Variants in SPRY4 observed in about 807,000 individuals in gnomAD.
The protein encoded by SPRY4 is protein sprouty homolog 4.
Under a neutral mutation model 17.0 loss-of-function variants are expected in SPRY4, and 7 were observed. That is an observed-to-expected ratio of 0.41 (90% CI 0.23 to 0.77). SPRY4 has a LOEUF of 0.77. SPRY4 is among the 30% of genes least tolerant of loss of function. SPRY4 has a pLI of 0.32. For missense variants in SPRY4, 435 were observed against 419.9 expected (o/e 1.04, Z -0.31); for synonymous variants, 183 against 174.1 (o/e 1.05, Z -0.40).
chr5:142,314,637 G>C lies in SPRY4; in HGVS notation c.472C>G (p.Leu158Val). 1 of 1,614,262 alleles carries C rather than the reference G, an allele frequency of 6.2e-7. No individual in the cohort carries two copies. Among genetic ancestry groups the C allele is most frequent in the Non-Finnish European group, 8.5e-7 (1 of 1,180,044 alleles). The change falls in exon 2 of 2, where the codon CTG (leucine) becomes GTG (valine). Residue 158 changes from leucine to valine, a missense_variant. Physicochemically the swap from Leu to Val is conservative, Grantham distance 32 (BLOSUM62 1). Coordinates refer to ENST00000434127, the MANE Select transcript of SPRY4 (RefSeq NM_001127496.3). This position sits in a 1 kb window ranked among gnomAD's most constrained non-coding sequence, Gnocchi z 4.8. ...VPPELDKHFL[L>V]CEACGKCKCK... Reference sequence around the variant, plus strand: ...TTACACTTCCCACAGGCCTCGCACAGCAAGAAGTGCTTGTCCAGCTCGGGT... The same window carrying C: ...TTACACTTCCCACAGGCCTCGCACACCAAGAAGTGCTTGTCCAGCTCGGGT...
rs1472120211 is a variant in SPRY4 at position 142,310,658 on chromosome 5, T to C, written c.*3551A>G. 2.0e-5 allele frequency: 3 copies of C among 152,220 alleles called. No individual in the cohort carries two copies. The highest frequency in any genetic ancestry group is 2.1e-4 in the South Asian group (1 of 4,802). 9.4% of individuals were successfully genotyped at this position (152,220 alleles called of 1,614,324 possible). ...GGGCTACAGTGAGGGGGAAATGAAG[T>C]TGGGATGTGGCGGGGTGGGAGCCTC... On this transcript the variant is annotated 3_prime_UTR_variant, in exon 2 of 2. Coordinates refer to ENST00000434127, the MANE Select transcript of SPRY4 (RefSeq NM_001127496.3).
intron 1 of SPRY4, chr5:142,317,973 A>G: frequency 4.1e-6 from 4 of 985,300 alleles, no homozygotes; most frequent in Non-Finnish European, 4.8e-6. Context: ...TATCTTCCCT[A>G]TTATAACCCC....
intron 1 of SPRY4, among the ~76,000 whole-genome samples, chr5:142,319,559 G>A (rs1759273571): frequency 6.6e-6 from 1 of 152,146 alleles, no homozygotes; most frequent in Admixed American, 6.5e-5. Context: ...GGTCCCTAGG[G>A]TACCTTCATT....
intron 1 of SPRY4, among the ~76,000 whole-genome samples, chr5:142,318,345 G>T (rs1253173811): frequency 1.3e-5 from 2 of 151,916 alleles, no homozygotes; most frequent in Admixed American, 6.6e-5. Flanking sequence ...AATTAGCCAG[G>T]CATGGTGGCA....
intron 1 of SPRY4, chr5:142,316,938 A>G (rs1047956391): frequency 2.7e-5 from 26 of 956,960 alleles, no homozygotes; most frequent in Non-Finnish European, 3.2e-5. Flanking sequence ...GTATTTCTTT[A>G]CACGCCTTGT....
intron 1 of SPRY4, among the ~76,000 whole-genome samples, chr5:142,320,084 A>G (rs1596872541): frequency 6.6e-6 from 1 of 152,204 alleles, no homozygotes; most frequent in Admixed American, 6.5e-5. Flanking sequence ...GCTGCCAGAG[A>G]GCCTGCCCAC....
Position 142,312,352 on chromosome 5 carries a change from AG to A in SPRY4, c.*1856del, listed in dbSNP as rs1446699885. On this transcript the variant is annotated 3_prime_UTR_variant, in exon 2 of 2. Coordinates refer to ENST00000434127, the MANE Select transcript of SPRY4 (RefSeq NM_001127496.3). ...ATTTCACATTCGCCTTTTACAAGCT[AG>A]CAAATGTTACATAAATAAAGCCGAA... 1 of 152,658 alleles carries A rather than the reference AG, an allele frequency of 6.6e-6. No individual in the cohort carries two copies. Among genetic ancestry groups the A allele is most frequent in the Non-Finnish European group, 1.5e-5 (1 of 68,044 alleles). 9.5% of individuals were successfully genotyped at this position (152,658 alleles called of 1,614,324 possible).
intron 1 of SPRY4, chr5:142,319,683 T>G (rs1759277972): frequency 2.5e-6 from 4 of 1,587,942 alleles, no homozygotes; most frequent in Non-Finnish European, 3.4e-6. Context: ...AACACTGTAT[T>G]TGCTGCTTGG....
rs963372724 is a variant in SPRY4 at position 142,315,162 on chromosome 5, G to A, written c.-47-7C>T. 8 of 1,545,348 alleles carry A rather than the reference G, an allele frequency of 5.2e-6. No homozygotes were observed. The highest frequency in any genetic ancestry group is 7.0e-6 in the Non-Finnish European group (8 of 1,138,542). ...AAACAGGCTTCTAGGGGCCCTGGGG[G>A]TGGGGTGGGGAAAAGGAAGAGAGAA... On this transcript the variant is annotated splice_region_variant and splice_polypyrimidine_tract_variant and intron_variant, in intron 1 of 1. Transcript: ENST00000434127.
chr5:142,321,871 A>T (rs1053235329), intron 1 of SPRY4, among the ~76,000 whole-genome samples: 8 of 152,244 alleles, frequency 5.3e-5, no homozygotes, highest in Non-Finnish European at 1.0e-4. Flanking sequence ...TGGAGCTAGA[A>T]GATGTCAAAC....
At position 142,314,088 on chromosome 5, in the gene SPRY4, A is replaced by G. The variant is rs1234543078; in HGVS notation, c.*121T>C. On this transcript the variant is annotated 3_prime_UTR_variant, in exon 2 of 2. Coordinates refer to ENST00000434127, the MANE Select transcript of SPRY4 (RefSeq NM_001127496.3). The surrounding 1 kb of genome is among the most constrained non-coding windows in gnomAD (Gnocchi z 4.8). ...GTATTTTCCGAAGCTGGGGGTAGGG[A>G]GTGGGCAGACTAGCAAGGTCAGCCT... 2.0e-6 allele frequency: 2 copies of G among 1,019,788 alleles called. No homozygotes were observed. The highest frequency in any genetic ancestry group is 5.2e-5 in the East Asian group (2 of 38,166). The allele number at this position is 1,019,788 out of a possible 1,614,324, so 63.2% of individuals were successfully genotyped here.
At chr5:142,317,705 A>C in intron 1 of SPRY4, 1 of 985,270 alleles carries the variant, frequency 1.0e-6, no homozygotes, top group Non-Finnish European at 1.2e-6. Context: ...AATGCTCAGA[A>C]ATTTTAATAG....
rs1561649518 is a variant in SPRY4, at chr5:142,315,009, G to A, written c.100C>T (p.Pro34Ser). 1.2e-6 allele frequency: 2 copies of A among 1,613,924 alleles called. No homozygotes were observed. Among genetic ancestry groups the A allele is most frequent in the Non-Finnish European group, 1.7e-6 (2 of 1,180,028 alleles). ...TGGTCAATGGGTAGGATGGTGAGTGGGTGCTGGAGCCGGCTGTGGGACATC... is the reference window on the plus strand; with the variant it reads ...TGGTCAATGGGTAGGATGGTGAGTGAGTGCTGGAGCCGGCTGTGGGACATC... The part of the protein sequence containing the change: ...SRMSHSRLQH[P>S]LTILPIDQVK... The change falls in exon 2 of 2, where the codon CCA becomes TCA. Residue 34 changes from proline (P) to serine (S), a missense_variant. Pro to Ser is a moderately conservative substitution (Grantham distance 74, BLOSUM62 -1). Transcript: ENST00000434127.
intron 1 of SPRY4, chr5:142,317,763 C>T: frequency 1.0e-6 from 1 of 985,270 alleles, no homozygotes; most frequent in Non-Finnish European, 1.2e-6. Flanking sequence ...AAAGTCCCAC[C>T]AGGAAGCCAG....
At chr5:142,322,883 C>T (rs970121055) in intron 1 of SPRY4, among the ~76,000 whole-genome samples, 4 of 152,158 alleles carry the variant, frequency 2.6e-5, no homozygotes, top group East Asian at 1.9e-4. Context: ...CCTCGCAGCA[C>T]GTGAGAACCC....
chr5:142,320,111 T>C (rs1183118476), intron 1 of SPRY4, among the ~76,000 whole-genome samples: 2 of 152,222 alleles, frequency 1.3e-5, no homozygotes, highest in Non-Finnish European at 2.9e-5. Flanking sequence ...TGCTTGGTTC[T>C]TTGTGACACT....
chr5:142,316,673 T>G (rs1231841375), intron 1 of SPRY4, among the ~76,000 whole-genome samples: 1 of 152,206 alleles, frequency 6.6e-6, no homozygotes, highest in Non-Finnish European at 1.5e-5. Flanking sequence ...GGAGAGCTGA[T>G]CCTGCCCCTC....
chr5:142,311,698 C>G lies in SPRY4; in HGVS notation c.*2511G>C, dbSNP rs1354010075. On this transcript the variant is annotated 3_prime_UTR_variant, in exon 2 of 2. Transcript: ENST00000434127. ...TTCCTTCGCTCCTTTCCCATGACCA[C>G]TGAGCACACGAGGCACTGAGGTGGA... 1.3e-5 allele frequency: 2 copies of G among 151,980 alleles called. No homozygotes were observed. Among genetic ancestry groups the G allele is most frequent in the African/African-American group, 4.8e-5 (2 of 41,296 alleles). The allele number at this position is 151,980 out of a possible 1,614,324, so 9.4% of individuals were successfully genotyped here. A position where few individuals can be genotyped will look rare whatever the true frequency, so the allele number is the denominator to read the frequency against.
chr5:142,319,559 G>C (rs1759273571), intron 1 of SPRY4, among the ~76,000 whole-genome samples: 1 of 152,146 alleles, frequency 6.6e-6, no homozygotes. Flanking sequence ...GGTCCCTAGG[G>C]TACCTTCATT....
Sources: allele counts gnomAD v4.1 joint callset (sites outside exome capture counted in the v4.1 genomes callset), GRCh38; gene constraint gnomAD v4.1.1; non-coding constraint Gnocchi (gnomAD v3.1); transcripts MANE v1.5; gene names NCBI Gene and HGNC (gene_info 2026-07-23, HGNC 2026-07-21).